NTRK2: variants seen among roughly 807,000 people sequenced by gnomAD.
NTRK2 encodes BDNF/NT-3 growth factors receptor.
A neutral mutation model predicts 94.5 loss-of-function variants in NTRK2; 13 were observed. That is an observed-to-expected ratio of 0.14 (90% CI 0.09 to 0.22). NTRK2 has a LOEUF of 0.22. Ranked by LOEUF, NTRK2 falls within the 10% of genes least tolerant of loss-of-function variation. The pLI is 1.00. For missense variants in NTRK2, 639 were observed against 1,071.2 expected (o/e 0.60, Z 5.63); for synonymous variants, 372 against 407.4 (o/e 0.91, Z 1.05).
At position 84,855,580 on chromosome 9, in the gene NTRK2, TA is replaced by T. The variant is rs1221601721; in HGVS notation, c.1397-5459del. Among the ~76,000 whole-genome samples, 311 of 146,206 alleles carry T rather than the reference TA, an allele frequency of 2.1e-3. 3 individuals carry two copies. The highest frequency in any genetic ancestry group is 4.0e-3 in the Admixed American group (60 of 14,874). On this transcript the variant is annotated intron_variant, in intron 12 of 18. Coordinates refer to ENST00000277120, the MANE Select transcript of NTRK2 (RefSeq NM_006180.6). Reference sequence around the variant, plus strand: ...GAGTCAGTTAATAAAACCTCAAGCATATTTTTTTTTTTTTTTTTGTCTACAT... The same window carrying T: ...GAGTCAGTTAATAAAACCTCAAGCATTTTTTTTTTTTTTTTTTGTCTACAT...
intron 17 of NTRK2, among the ~76,000 whole-genome samples, chr9:84,987,518 G>A (rs929312730): frequency 1.3e-5 from 2 of 151,950 alleles, no homozygotes; most frequent in African/African-American, 4.8e-5. Context: ...CTAGCTTTAC[G>A]AAAAATTTAA....
chr9:84,826,962 G>A (rs1351141236), intron 12 of NTRK2, among the ~76,000 whole-genome samples: 1 of 152,192 alleles, frequency 6.6e-6, no homozygotes, highest in African/African-American at 2.4e-5. Flanking sequence ...TTTGTTCCAA[G>A]CGAAAGAAGG....
intron 2 of NTRK2, among the ~76,000 whole-genome samples, chr9:84,671,416 C>T (rs11140725): frequency 0.12 from 18,220 of 152,030 alleles, 1,386 homozygotes; most frequent in Middle Eastern, 0.18. Context: ...GACAGTCTCT[C>T]CCTTAACATC....
chr9:84,874,574 C>T, intron 14 of NTRK2: 1 of 1,063,546 alleles, frequency 9.4e-7, no homozygotes. Flanking sequence ...GTTCTTCTTT[C>T]TCTTGAATGG....
rs770287291 is a variant in NTRK2 at position 85,022,356 on chromosome 9, G to A, written c.*919G>A. ...ACACAAGATGGCGCATAGTGTGCTCGGACACAGTTTTGTCTTCGTAGGTTG... is the reference window on the plus strand; with the variant it reads ...ACACAAGATGGCGCATAGTGTGCTCAGACACAGTTTTGTCTTCGTAGGTTG... On this transcript the variant is annotated 3_prime_UTR_variant, in exon 19 of 19. Transcript: ENST00000277120. 2 of 233,022 alleles carry A rather than the reference G, an allele frequency of 8.6e-6. No individual in the cohort carries two copies. Among genetic ancestry groups the A allele is most frequent in the African/African-American group, 2.2e-5 (1 of 45,308 alleles). 14.4% of individuals were successfully genotyped at this position (233,022 alleles called of 1,614,324 possible).
At chr9:84,876,748 T>A (rs2076082051) in intron 14 of NTRK2, 1 of 1,061,280 alleles carries the variant, frequency 9.4e-7, no homozygotes, top group Non-Finnish European at 1.1e-6. Context: ...TTTCCTGATA[T>A]CTACAGAAAC....
Position 84,670,393 on chromosome 9 carries a change from G to A in NTRK2, c.-356G>A. 1 of 412,404 alleles carries A rather than the reference G, an allele frequency of 2.4e-6. No individual in the cohort carries two copies. Among genetic ancestry groups the A allele is most frequent in the Non-Finnish European group, 4.4e-6 (1 of 224,816 alleles). The allele number at this position is 412,404 out of a possible 1,614,324, so 25.5% of individuals were successfully genotyped here. ...TGTCCTCAGCCTCGAGGTGCATACC[G>A]GACCCCCATTCGCATCTAACAAGGA... On this transcript the variant is annotated 5_prime_UTR_variant, in exon 2 of 19. Coordinates refer to ENST00000277120, the MANE Select transcript of NTRK2 (RefSeq NM_006180.6).
At chr9:84,886,379 C>T (rs1052244341) in intron 14 of NTRK2, among the ~76,000 whole-genome samples, 4 of 152,306 alleles carry the variant, frequency 2.6e-5, no homozygotes, top group Middle Eastern at 3.4e-3. Flanking sequence ...TTGGTCACCT[C>T]GCCTCCTTAA....
chr9:84,744,014 G>A (rs1011810899), intron 10 of NTRK2, among the ~76,000 whole-genome samples: 1 of 152,162 alleles, frequency 6.6e-6, no homozygotes, highest in South Asian at 2.1e-4. Context: ...GATTCTACCT[G>A]GAGAAGTTTA....
intron 6 of NTRK2, among the ~76,000 whole-genome samples, chr9:84,720,401 A>G (rs902363109): frequency 3.9e-5 from 6 of 152,256 alleles, no homozygotes; most frequent in African/African-American, 1.4e-4. Context: ...GAATATTAAT[A>G]TTTCCAGACC....
intron 13 of NTRK2, among the ~76,000 whole-genome samples, chr9:84,864,471 C>T (rs2075482012): frequency 1.3e-5 from 2 of 152,136 alleles, no homozygotes; most frequent in Admixed American, 1.3e-4. Flanking sequence ...TGTAACCAAA[C>T]ATCACCTGTT....
chr9:85,019,800 A>T (rs1832621121), intron 17 of NTRK2, among the ~76,000 whole-genome samples: 1 of 152,234 alleles, frequency 6.6e-6, no homozygotes, highest in South Asian at 2.1e-4. Flanking sequence ...TTGCCAAGGA[A>T]GTAGAGTCAC....
chr9:84,883,191 G>GT (rs1293307155), intron 14 of NTRK2, among the ~76,000 whole-genome samples: 6 of 152,352 alleles, frequency 3.9e-5, no homozygotes, highest in Admixed American at 3.3e-4. Context: ...TAGGATAAAT[G>GT]TAAGAGTTTG....
chr9:84,981,268 T>C (rs980446436), intron 17 of NTRK2, among the ~76,000 whole-genome samples: 2 of 151,328 alleles, frequency 1.3e-5, no homozygotes, highest in African/African-American at 4.9e-5. Flanking sequence ...TTTTGTTGTT[T>C]TTTTTTTATG....
At chr9:84,879,156 CAGAG>C (rs943618599) in intron 14 of NTRK2, among the ~76,000 whole-genome samples, 2 of 151,190 alleles carry the variant, frequency 1.3e-5, no homozygotes, top group African/African-American at 2.4e-5. Context: ...GAGAGAGAGA[CAGAG>C]AGAGAGTGAG....
rs1245507774 is a variant in NTRK2 at position 84,670,778 on chromosome 9, C to T, written c.30C>T (p.Pro10=). MSSWIRWHG[P]AMARLWGFCW... is the part of the protein sequence containing the mutation. The stretch of plus-strand genomic sequence containing the variant: ...CGTCCTGGATAAGGTGGCATGGACC[C>T]GCCATGGCGCGGCTCTGGGGCTTCT... Residue 10 remains proline, a synonymous_variant, in exon 2 of 19, where the codon CCC becomes CCT. Transcript: ENST00000277120. 6 of 1,613,700 alleles carry T rather than the reference C, an allele frequency of 3.7e-6. No individual in the cohort carries two copies. Among genetic ancestry groups the T allele is most frequent in the Admixed American group, 1.7e-5 (1 of 60,014 alleles).
chr9:84,873,032 A>G, intron 14 of NTRK2: 1 of 1,063,104 alleles, frequency 9.4e-7, no homozygotes, highest in Non-Finnish European at 1.1e-6. Context: ...TCTGAATTAC[A>G]TCCAGGACCC....
At chr9:84,891,184 C>T (rs1044192869) in intron 14 of NTRK2, among the ~76,000 whole-genome samples, 9 of 152,012 alleles carry the variant, frequency 5.9e-5, no homozygotes, top group African/African-American at 2.2e-4. Flanking sequence ...CCCCAGTTCT[C>T]ATGGATGCTT....
At position 84,711,962 on chromosome 9, in the gene NTRK2, A is replaced by C. The variant is rs1588110305; in HGVS notation, c.583+1171A>C. 5.9e-5 allele frequency among the ~76,000 whole-genome samples: 9 copies of C among 152,250 alleles called. No individual in the cohort carries two copies. In the East Asian group the frequency reaches 1.7e-3, roughly 29 times the overall value. ...CTTAAAAAATAAAAAAACTTTTAATATGTGTCTTTTCCTGATTGATAAGAG... is the reference window on the plus strand; with the variant it reads ...CTTAAAAAATAAAAAAACTTTTAATCTGTGTCTTTTCCTGATTGATAAGAG... On this transcript the variant is annotated intron_variant, in intron 6 of 18. Transcript: ENST00000277120.
Sources: gnomAD v4.1 joint callset for allele counts (sites outside exome capture counted in the v4.1 genomes callset) on GRCh38, gnomAD v4.1.1 for gene constraint, MANE v1.5 for transcripts, NCBI Gene and HGNC (gene_info 2026-07-23, HGNC 2026-07-21) for gene names.